SMPD4: variants seen among roughly 807,000 people sequenced by gnomAD.
The protein encoded by SMPD4 is sphingomyelin phosphodiesterase 4, also known as neutral sphingomyelinase 3.
In SMPD4, 58 loss-of-function variants were observed where a neutral mutation model predicts 97.8. The ratio of observed to expected loss-of-function variants is 0.59; its 90% CI spans 0.48 to 0.74. The LOEUF is 0.74. Ranked by LOEUF, SMPD4 falls within the 30% of genes least tolerant of loss-of-function variation. The pLI, the probability that SMPD4 is intolerant of heterozygous loss-of-function variation, is 0.00. For synonymous variants in SMPD4, 388 were observed against 450.0 expected (o/e 0.86, Z 1.74); for missense variants, 853 against 1,080.5 (o/e 0.79, Z 2.95).
At chr2:130,180,714 A>C (rs2104941523) in intron 1 of SMPD4, among the ~76,000 whole-genome samples, 1 of 152,364 alleles carries the variant, frequency 6.6e-6, no homozygotes, top group African/African-American at 2.4e-5. Context: ...GGAGCTCTAG[A>C]GACGATGAAG....
chr2:130,174,798 C>A (rs111636541), intron 3 of SMPD4, 116 bp downstream of exon 3: 70,249 of 684,258 alleles, frequency 0.1, 4,674 homozygotes, highest in South Asian at 0.21. Flanking sequence ...AATGGCCAGG[C>A]CTCTGTGCCA....
At chr2:130,173,413 G>T in intron 4 of SMPD4, 59 bp from the exon 5 acceptor site, 2 of 1,600,538 alleles carry the variant, frequency 1.2e-6, no homozygotes, top group South Asian at 2.2e-5. Context: ...GAATTATCTT[G>T]CTTTGATTGT....
intron 11 of SMPD4, chr2:130,157,703 T>C (rs1310861359): frequency 4.7e-6 from 2 of 428,160 alleles, no homozygotes; most frequent in Non-Finnish European, 8.4e-6. Context: ...GCCCTGCTTC[T>C]GCACGGCTGC....
At chr2:130,166,746 A>C (rs1341605392) in intron 9 of SMPD4, among the ~76,000 whole-genome samples, 1 of 152,254 alleles carries the variant, frequency 6.6e-6, no homozygotes, top group Non-Finnish European at 1.5e-5. Context: ...GAAGTGAGCC[A>C]GCCCATACCA....
At position 130,181,516 on chromosome 2, in the gene SMPD4, C is replaced by T. The variant is rs1689636895; in HGVS notation, c.-46+14G>A. 1 of 1,598,482 alleles carries T rather than the reference C, an allele frequency of 6.3e-7. No homozygotes were observed. Among genetic ancestry groups the T allele is most frequent in the Non-Finnish European group, 8.5e-7 (1 of 1,173,678 alleles). On this transcript the variant is annotated intron_variant, in intron 1 of 19. Transcript: ENST00000680298. ...GCGCCGGACCGTCTCAGGCGCGCATCCCGCGCCACTCACCTGTGGGATCCA... is the reference window on the plus strand; with the variant it reads ...GCGCCGGACCGTCTCAGGCGCGCATTCCGCGCCACTCACCTGTGGGATCCA...
chr2:130,170,016 C>T (rs955681887), intron 8 of SMPD4, among the ~76,000 whole-genome samples: 1 of 147,936 alleles, frequency 6.8e-6, no homozygotes, highest in Non-Finnish European at 1.5e-5. Flanking sequence ...GGCAACACAG[C>T]GAGGCATCCC....
In SMPD4 at chr2:130,152,264, G is replaced by A; in HGVS notation, c.*291C>T. The A allele has an allele frequency of 5.8e-6, 2 of 343,168 alleles. No individual in the cohort carries two copies. The highest frequency in any genetic ancestry group is 1.1e-5 in the Non-Finnish European group (2 of 188,192). 21.3% of individuals were successfully genotyped at this position (343,168 alleles called of 1,614,324 possible). Reference sequence around the variant, plus strand: ...ATGGGCAGTGGAAAAAAGGCCCCGAGAGCTGGCTTGGCCGTGAGTCCTTGG... The same window carrying A: ...ATGGGCAGTGGAAAAAAGGCCCCGAAAGCTGGCTTGGCCGTGAGTCCTTGG... On this transcript the variant is annotated 3_prime_UTR_variant, in exon 20 of 20. Coordinates refer to ENST00000680298, the MANE Select transcript of SMPD4 (RefSeq NM_017951.5).
intron 11 of SMPD4, chr2:130,158,090 G>A (rs1573674870): frequency 5.0e-6 from 4 of 807,688 alleles, no homozygotes; most frequent in East Asian, 1.4e-4. Flanking sequence ...CAGTGAGCTA[G>A]GATCGTGCCA....
rs560851734 is a variant in SMPD4, at chr2:130,171,582, T to C, written c.659+767A>G. On this transcript the variant is annotated intron_variant, in intron 8 of 19. Transcript: ENST00000680298. ...TTTCAGGGTCACTGATCACTGCCGC[T>C]ACCTGGGCAGCGTCTCCTCCTTGCC... Among the ~76,000 whole-genome samples, 912 of 151,694 alleles carry C rather than the reference T, an allele frequency of 6.0e-3. 6 individuals carry two copies. Among genetic ancestry groups the C allele is most frequent in the African/African-American group, 0.02 (810 of 41,450 alleles).
intron 14 of SMPD4, among the ~76,000 whole-genome samples, chr2:130,155,687 C>T (rs1686708198): frequency 1.3e-5 from 2 of 151,966 alleles, no homozygotes; most frequent in South Asian, 4.1e-4. Context: ...GGAAGACAGC[C>T]TCCCTCATCC....
In SMPD4 at chr2:130,169,189, A is replaced by T. The variant is rs139984856; in HGVS notation, c.660-1599T>A. ...GCCTAGTCACCAGCAAATACCACACAGCCTAAGGGGCGGCCGCATGCTCTG... is the reference window on the plus strand; with the variant it reads ...GCCTAGTCACCAGCAAATACCACACTGCCTAAGGGGCGGCCGCATGCTCTG... On this transcript the variant is annotated intron_variant, in intron 8 of 19. Coordinates refer to ENST00000680298, the MANE Select transcript of SMPD4 (RefSeq NM_017951.5). 4.9e-4 allele frequency among the ~76,000 whole-genome samples: 74 copies of T among 152,310 alleles called. No individual in the cohort carries two copies. In the East Asian group the frequency reaches 0.013, roughly 27 times the overall value.
At chr2:130,170,252 C>T (rs1688319044) in intron 8 of SMPD4, among the ~76,000 whole-genome samples, 2 of 151,238 alleles carry the variant, frequency 1.3e-5, no homozygotes, top group Admixed American at 1.3e-4. Context: ...TTTAGGGGGT[C>T]GAGGCAGGCA....
intron 1 of SMPD4, 42 bp from the exon 2 acceptor site, chr2:130,176,679 G>A (rs751792247): frequency 2.7e-6 from 4 of 1,477,954 alleles, no homozygotes; most frequent in Non-Finnish European, 3.7e-6. Context: ...CTGTAACACA[G>A]CAGAATCTTT....
At chr2:130,176,496 G>A in intron 2 of SMPD4, 58 bp downstream of exon 2, 1 of 1,408,586 alleles carries the variant, frequency 7.1e-7, no homozygotes, top group Non-Finnish European at 9.9e-7. Context: ...GAACACTCAA[G>A]TCCCACATCT....
At chr2:130,161,402 G>A (rs1400021219) in intron 10 of SMPD4, 130 bp from the exon 11 acceptor site, 9 of 709,848 alleles carry the variant, frequency 1.3e-5, no homozygotes, top group East Asian at 5.4e-5. Flanking sequence ...CAATGAGAAC[G>A]AGCCCAGGAG....
chr2:130,162,034 C>G (rs1372183453), intron 10 of SMPD4, among the ~76,000 whole-genome samples: 3 of 152,236 alleles, frequency 2.0e-5, no homozygotes, highest in Non-Finnish European at 2.9e-5. Context: ...GCCCTGCCCT[C>G]CACCCTCATA....
chr2:130,166,375 C>T (rs971345582), intron 9 of SMPD4, among the ~76,000 whole-genome samples: 2 of 151,536 alleles, frequency 1.3e-5, no homozygotes, highest in South Asian at 2.1e-4. Context: ...CAGTTCTTCC[C>T]TATAAGCGCT....
intron 1 of SMPD4, among the ~76,000 whole-genome samples, chr2:130,180,810 A>T (rs1689505532): frequency 6.6e-6 from 1 of 151,618 alleles, no homozygotes; most frequent in African/African-American, 2.4e-5. Flanking sequence ...AATTTCCAAG[A>T]AAGGAAATTC....
chr2:130,157,724 C>T (rs1288626784), intron 11 of SMPD4: 24 of 376,054 alleles, frequency 6.4e-5, no homozygotes, highest in Middle Eastern at 8.5e-4. Flanking sequence ...AAATCCGCAG[C>T]GGGTGGCACA....
Sources: gnomAD v4.1 joint callset for allele counts (sites outside exome capture counted in the v4.1 genomes callset) on GRCh38, gnomAD v4.1.1 for gene constraint, MANE v1.5 for transcripts, NCBI Gene and HGNC (gene_info 2026-07-23, HGNC 2026-07-21) for gene names.